ADCY5: variants seen among roughly 807,000 people sequenced by gnomAD.
ADCY5 encodes the protein adenylate cyclase type 5.
Under a neutral mutation model 119.7 loss-of-function variants are expected in ADCY5, and 30 were observed. The ratio of observed to expected loss-of-function variants is 0.25; its 90% CI spans 0.19 to 0.34. The LOEUF is 0.34. Ranked by LOEUF, ADCY5 falls within the 10% of genes least tolerant of loss-of-function variation. The probability of loss-of-function intolerance (pLI) is 1.00; values close to 1 mark genes in which losing one functional copy is unlikely to be tolerated. For missense variants in ADCY5, 1,324 were observed against 1,775.2 expected, an observed-to-expected ratio of 0.75 and a Z score of 4.57; for synonymous variants, 753 against 762.2, an observed-to-expected ratio of 0.99 and a Z score of 0.20.
chr3:123,426,292 CTTTT>C (rs1240204381), intron 1 of ADCY5, among the ~76,000 whole-genome samples: 1 of 80,408 alleles, frequency 1.2e-5, no homozygotes, highest in Non-Finnish European at 2.5e-5. Context: ...TTTTTCTTTT[CTTTT>C]GTGTTTTTTT....
chr3:123,300,927 C>T (rs1180615892), intron 14 of ADCY5, among the ~76,000 whole-genome samples: 1 of 152,180 alleles, frequency 6.6e-6, no homozygotes, highest in African/African-American at 2.4e-5. Flanking sequence ...GATCAGACTC[C>T]ACTGGGGGTG....
Position 123,303,189 on chromosome 3 carries a change from A to G in ADCY5, c.2590T>C (p.Cys864Arg), listed in dbSNP as rs757022162. The G allele has an allele frequency of 1.2e-6, 2 of 1,613,826 alleles. No homozygotes were observed. Among genetic ancestry groups the G allele is most frequent in the South Asian group, 2.2e-5 (2 of 91,082 alleles). Residue 864 changes from cysteine to arginine, a missense_variant, in exon 14 of 21, where the codon TGC becomes CGC. Cys to Arg is a radical substitution (Grantham distance 180). This residue lies in a region of ADCY5 where 424 missense variants were observed against 546.8 expected (regional missense o/e 0.78). Transcript: ENST00000462833. ...FTCNSRDLLG[C>R]LAQEHNISAS... is the part of the protein sequence containing the mutation. ...CTGATGTTGTGCTCCTGTGCCAAGC[A>G]GCCCAGCAGGTCCCTGGAGTTGCAC...
intron 1 of ADCY5, among the ~76,000 whole-genome samples, chr3:123,421,335 G>T (rs13099469): frequency 6.6e-6 from 1 of 152,210 alleles, no homozygotes; most frequent in Non-Finnish European, 1.5e-5. Context: ...CAGAGACCCA[G>T]ACAGGTTAGG....
chr3:123,295,248 C>T (rs896949935), intron 17 of ADCY5, among the ~76,000 whole-genome samples: 1 of 152,204 alleles, frequency 6.6e-6, no homozygotes, highest in Non-Finnish European at 1.5e-5. Flanking sequence ...TGGAGGAGGT[C>T]AAAGTGAGCT....
chr3:123,384,294 A>C (rs533981744), intron 1 of ADCY5, among the ~76,000 whole-genome samples: 6 of 152,346 alleles, frequency 3.9e-5, no homozygotes, highest in African/African-American at 7.2e-5. Flanking sequence ...TGGACAGTAC[A>C]TATTATCAAG....
chr3:123,302,932 G>C, intron 14 of ADCY5, 123 bp downstream of exon 14: 1 of 1,175,998 alleles, frequency 8.5e-7, no homozygotes, highest in South Asian at 1.5e-5. Flanking sequence ...GGGTAAGCAG[G>C]CCTCTAGAAG....
chr3:123,326,389 G>T (rs1421803540), intron 7 of ADCY5, among the ~76,000 whole-genome samples: 1 of 152,200 alleles, frequency 6.6e-6, no homozygotes, highest in Non-Finnish European at 1.5e-5. Context: ...TGTCAGATGA[G>T]GTGACGGTGG....
chr3:123,425,440 C>T (rs576568996), intron 1 of ADCY5, among the ~76,000 whole-genome samples: 1 of 152,340 alleles, frequency 6.6e-6, no homozygotes, highest in East Asian at 1.9e-4. Flanking sequence ...AGCACTGAGG[C>T]CTCTGGTGGT....
chr3:123,311,139 G>A (rs1051438019), intron 12 of ADCY5, among the ~76,000 whole-genome samples: 1 of 152,260 alleles, frequency 6.6e-6, no homozygotes, highest in Non-Finnish European at 1.5e-5. Context: ...TAACTGGCTT[G>A]GGGGTAATTT....
At chr3:123,407,391 A>G (rs1320655352) in intron 1 of ADCY5, among the ~76,000 whole-genome samples, 4 of 152,154 alleles carry the variant, frequency 2.6e-5, no homozygotes, top group Admixed American at 1.3e-4. Context: ...ATAAAATGGA[A>G]TATTATTCAT....
At chr3:123,344,908 C>G (rs1254073621) in intron 3 of ADCY5, among the ~76,000 whole-genome samples, 1 of 152,220 alleles carries the variant, frequency 6.6e-6, no homozygotes, top group Non-Finnish European at 1.5e-5. Context: ...ATGTCAGAGT[C>G]AGAATCGTCT....
intron 5 of ADCY5, 136 bp downstream of exon 5, chr3:123,330,753 T>G: frequency 8.3e-7 from 1 of 1,209,554 alleles, no homozygotes; most frequent in Non-Finnish European, 1.1e-6. Context: ...ACCCTCAGCT[T>G]GGCTGGGCAC....
intron 1 of ADCY5, among the ~76,000 whole-genome samples, chr3:123,422,099 CTG>C (rs1945314303): frequency 6.6e-6 from 1 of 152,236 alleles, no homozygotes; most frequent in Non-Finnish European, 1.5e-5. Flanking sequence ...AAGCAAAAAA[CTG>C]TGCAGGCACT....
intron 7 of ADCY5, among the ~76,000 whole-genome samples, chr3:123,326,591 C>T (rs1165511143): frequency 4.6e-5 from 7 of 152,262 alleles, no homozygotes; most frequent in Non-Finnish European, 7.4e-5. Flanking sequence ...CCTGGAGGAC[C>T]CAGTTCATTG....
At chr3:123,310,621 C>T (rs1036441957) in intron 12 of ADCY5, among the ~76,000 whole-genome samples, 1 of 152,160 alleles carries the variant, frequency 6.6e-6, no homozygotes, top group South Asian at 2.1e-4. Flanking sequence ...GTTTTCTCTA[C>T]GAAAAGCAGT....
At chr3:123,383,836 A>AC (rs1387389027) in intron 1 of ADCY5, among the ~76,000 whole-genome samples, 12 of 151,184 alleles carry the variant, frequency 7.9e-5, no homozygotes, top group African/African-American at 2.9e-4. Flanking sequence ...ACGTGCACAC[A>AC]CACACACTTC....
At chr3:123,421,979 CTGT>C (rs368725711) in intron 1 of ADCY5, among the ~76,000 whole-genome samples, 101 of 152,286 alleles carry the variant, frequency 6.6e-4, no homozygotes, top group African/African-American at 2.0e-3. Context: ...TGTTGGTGTG[CTGT>C]TGTTGTTATT....
At chr3:123,368,561 C>T (rs968527338) in intron 1 of ADCY5, among the ~76,000 whole-genome samples, 3 of 152,222 alleles carry the variant, frequency 2.0e-5, no homozygotes, top group African/African-American at 4.8e-5. Flanking sequence ...GGCACCACTG[C>T]ACTCCAGGCT....
intron 1 of ADCY5, among the ~76,000 whole-genome samples, chr3:123,382,915 T>A (rs934921053): frequency 6.6e-6 from 1 of 152,234 alleles, no homozygotes; most frequent in Non-Finnish European, 1.5e-5. Flanking sequence ...TTATGTCATA[T>A]GCATTTTATG....
Sources: gnomAD v4.1 joint callset for allele counts (sites outside exome capture counted in the v4.1 genomes callset) on GRCh38, gnomAD v4.1.1 for gene constraint, gnomAD v4.1.1 regional missense constraint, MANE v1.5 for transcripts, NCBI Gene and HGNC (gene_info 2026-07-23, HGNC 2026-07-21) for gene names.